Variants in CNTNAP5 observed in about 807,000 individuals in gnomAD.
CNTNAP5 encodes the protein contactin associated protein family member 5, also known as contactin-associated protein-like 5.
In CNTNAP5, 72 loss-of-function variants were observed where a neutral mutation model predicts 150.2. The ratio of observed to expected loss-of-function variants is 0.48; its 90% CI spans 0.40 to 0.58. The LOEUF (loss-of-function observed/expected upper bound fraction) is 0.58. Ranked by LOEUF, CNTNAP5 falls within the 20% of genes least tolerant of loss-of-function variation. CNTNAP5 has a pLI of 0.00. For missense variants in CNTNAP5, 1,636 were observed against 1,626.2 expected, an observed-to-expected ratio of 1.01 and a Z score of -0.10; for synonymous variants, 672 against 619.8, an observed-to-expected ratio of 1.08 and a Z score of -1.25.
intron 1 of CNTNAP5, among the ~76,000 whole-genome samples, chr2:124,031,544 G>C (rs76806435): frequency 0.018 from 2,733 of 152,228 alleles, 44 homozygotes; most frequent in Non-Finnish European, 0.03. Flanking sequence ...TGAAAAATGA[G>C]CCCCTGCAGC....
intron 2 of CNTNAP5, among the ~76,000 whole-genome samples, chr2:124,240,059 C>G (rs2104764136): frequency 6.6e-6 from 1 of 152,222 alleles, no homozygotes; most frequent in South Asian, 2.1e-4. Flanking sequence ...ATGTTTTAAT[C>G]CTGGGTGCCA....
intron 3 of CNTNAP5, among the ~76,000 whole-genome samples, chr2:124,371,726 C>T (rs2420840): frequency 0.36 from 54,791 of 151,832 alleles, 10,453 homozygotes; most frequent in African/African-American, 0.44. Context: ...GGAAATCATA[C>T]ATGTAATCTT....
intron 19 of CNTNAP5, among the ~76,000 whole-genome samples, chr2:124,810,997 C>T (rs1225877548): frequency 2.6e-5 from 4 of 151,694 alleles, no homozygotes; most frequent in Admixed American, 2.0e-4. Context: ...GAATGAGATA[C>T]AAGAAAACAG....
At position 124,914,493 on chromosome 2, in the gene CNTNAP5, G is replaced by C; in HGVS notation, c.*205G>C. On this transcript the variant is annotated 3_prime_UTR_variant, in exon 24 of 24. Transcript: ENST00000682447. ...CATGGCCACTGCCTTCCTCTCTGATGAACCTATCGGGTGAAAACGACCACT... is the reference window on the plus strand; with the variant it reads ...CATGGCCACTGCCTTCCTCTCTGATCAACCTATCGGGTGAAAACGACCACT... 1.8e-6 allele frequency: 1 copy of C among 555,034 alleles called. No individual in the cohort carries two copies. Among genetic ancestry groups the C allele is most frequent in the Non-Finnish European group, 3.2e-6 (1 of 307,808 alleles). 34.4% of individuals were successfully genotyped at this position (555,034 alleles called of 1,614,324 possible).
chr2:124,656,713 T>A (rs930450900), intron 13 of CNTNAP5, among the ~76,000 whole-genome samples: 5 of 152,208 alleles, frequency 3.3e-5, no homozygotes, highest in Admixed American at 2.0e-4. Context: ...CAAAGTTGAT[T>A]GCCCAAGAAT....
chr2:124,865,507 A>C (rs1677613011), intron 20 of CNTNAP5, 71 bp downstream of exon 20: 1 of 1,424,864 alleles, frequency 7.0e-7, no homozygotes, highest in Non-Finnish European at 9.6e-7. Context: ...CTAAGCTTCT[A>C]CCCCATGCCA....
intron 13 of CNTNAP5, among the ~76,000 whole-genome samples, chr2:124,676,878 T>C (rs968242572): frequency 6.6e-6 from 1 of 152,258 alleles, no homozygotes; most frequent in South Asian, 2.1e-4. Context: ...TTGACAATTT[T>C]GAATAGTGCT....
intron 3 of CNTNAP5, among the ~76,000 whole-genome samples, chr2:124,337,858 C>G (rs1246561625): frequency 6.6e-6 from 1 of 151,980 alleles, no homozygotes; most frequent in Non-Finnish European, 1.5e-5. Context: ...GTGATGCGGG[C>G]TCTTTTTTGG....
At chr2:124,217,514 A>G (rs567045033) in intron 1 of CNTNAP5, among the ~76,000 whole-genome samples, 2 of 152,290 alleles carry the variant, frequency 1.3e-5, no homozygotes, top group South Asian at 4.2e-4. Context: ...CCCAGTCTCC[A>G]CAATGCTGCA....
chr2:124,334,233 G>A (rs1689417474), intron 3 of CNTNAP5, among the ~76,000 whole-genome samples: 1 of 151,936 alleles, frequency 6.6e-6, no homozygotes, highest in African/African-American at 2.4e-5. Flanking sequence ...GTTTTCTATT[G>A]GTAATTTTTT....
intron 10 of CNTNAP5, among the ~76,000 whole-genome samples, chr2:124,549,481 C>T (rs1194072718): frequency 6.6e-6 from 1 of 152,114 alleles, no homozygotes; most frequent in Non-Finnish European, 1.5e-5. Context: ...TTAGATAATT[C>T]TAGACCTGGT....
chr2:124,870,899 T>C (rs1677733416), intron 21 of CNTNAP5, among the ~76,000 whole-genome samples: 1 of 152,028 alleles, frequency 6.6e-6, no homozygotes, highest in South Asian at 2.1e-4. Context: ...AAATGATTCT[T>C]GCTACAGCCC....
At chr2:124,188,869 A>G (rs973501536) in intron 1 of CNTNAP5, among the ~76,000 whole-genome samples, 14 of 152,158 alleles carry the variant, frequency 9.2e-5, no homozygotes, top group Non-Finnish European at 1.8e-4. Context: ...TGCTTCAGAC[A>G]TTCTGCCATC....
At chr2:124,097,990 T>A (rs934769892) in intron 1 of CNTNAP5, among the ~76,000 whole-genome samples, 1 of 152,116 alleles carries the variant, frequency 6.6e-6, no homozygotes, top group Non-Finnish European at 1.5e-5. Context: ...ATGGCGCCAC[T>A]GCACTCCAGC....
Position 124,097,687 on chromosome 2 carries a change from C to T in CNTNAP5, c.82+71955C>T, listed in dbSNP as rs186025959. 1.2e-4 allele frequency among the ~76,000 whole-genome samples: 18 copies of T among 152,248 alleles called. No individual in the cohort carries two copies. In the Middle Eastern group the frequency reaches 0.014, roughly 115 times the overall value. The stretch of plus-strand genomic sequence containing the variant: ...GCACATTCAGTTGACCCTTGGACAT[C>T]GCAGGGTTTGGGGGACTGCCCCAAC... On this transcript the variant is annotated intron_variant, in intron 1 of 23. Coordinates refer to ENST00000682447, the MANE Select transcript of CNTNAP5 (RefSeq NM_001367498.1).
At chr2:124,593,127 A>ATTTAT (rs370794956) in intron 11 of CNTNAP5, among the ~76,000 whole-genome samples, 57,637 of 145,192 alleles carry the variant, frequency 0.4, 12,038 homozygotes, top group East Asian at 0.71. Flanking sequence ...TTATTTATTT[A>ATTTAT]TTATTATTAT....
At chr2:124,313,567 A>G (rs1688886076) in intron 3 of CNTNAP5, among the ~76,000 whole-genome samples, 2 of 152,316 alleles carry the variant, frequency 1.3e-5, no homozygotes, top group South Asian at 4.1e-4. Context: ...CTGTCTTAAC[A>G]TACATTTCTA....
intron 3 of CNTNAP5, among the ~76,000 whole-genome samples, chr2:124,323,441 A>G (rs1689145313): frequency 6.6e-6 from 1 of 152,194 alleles, no homozygotes; most frequent in Non-Finnish European, 1.5e-5. Context: ...ACCCTTCAGC[A>G]ATGTGTCTCT....
At chr2:124,114,594 C>T (rs1183525418) in intron 1 of CNTNAP5, among the ~76,000 whole-genome samples, 1 of 151,594 alleles carries the variant, frequency 6.6e-6, no homozygotes, top group Non-Finnish European at 1.5e-5. Context: ...CCTTTCTGGT[C>T]CTAATATTTA....
Sources: allele counts gnomAD v4.1 joint callset (sites outside exome capture counted in the v4.1 genomes callset), GRCh38; gene constraint gnomAD v4.1.1; transcripts MANE v1.5; gene names NCBI Gene and HGNC (gene_info 2026-07-23, HGNC 2026-07-21).